The following HTT variants were observed in gnomAD, a reference collection of about 807,000 sequenced individuals.
The protein encoded by HTT is huntingtin, also known as huntington disease protein.
HTT carries 104 observed loss-of-function variants against 362.3 expected under a neutral mutation model. The ratio of observed to expected loss-of-function variants is 0.29; its 90% confidence interval spans 0.24 to 0.34. The LOEUF is 0.34. HTT is among the 10% of genes least tolerant of loss of function. HTT has a pLI of 1.00. For missense variants in HTT, 3,301 were observed against 3,928.6 expected, an observed-to-expected ratio of 0.84 and a Z score of 4.27; for synonymous variants, 1,577 against 1,548.7, an observed-to-expected ratio of 1.02 and a Z score of -0.43.
intron 28 of HTT, among the ~76,000 whole-genome samples, chr4:3,157,930 A>G (rs1411214594): frequency 6.6e-6 from 1 of 151,868 alleles, no homozygotes; most frequent in African/African-American, 2.4e-5. Context: ...TAGTTTCAGT[A>G]GTTTCATTTA....
At chr4:3,120,766 C>T (rs1456415269) in intron 8 of HTT, among the ~76,000 whole-genome samples, 2 of 152,150 alleles carry the variant, frequency 1.3e-5, no homozygotes, top group African/African-American at 2.4e-5. Context: ...GTCTCTGGTG[C>T]CAGAAAGGTT....
intron 60 of HTT, among the ~76,000 whole-genome samples, chr4:3,231,340 T>A (rs1209504475): frequency 6.6e-6 from 1 of 152,062 alleles, no homozygotes; most frequent in Non-Finnish European, 1.5e-5. Flanking sequence ...GTGAATGATT[T>A]TTTTTTTTGC....
Position 3,157,087 on chromosome 4 carries a change from A to C in HTT, c.3641A>C (p.Asp1214Ala). 1 of 1,607,532 alleles carries C rather than the reference A, an allele frequency of 6.2e-7. No individual in the cohort carries two copies. The highest frequency in any genetic ancestry group is 8.5e-7 in the Non-Finnish European group (1 of 1,178,198). The change falls in exon 28 of 67, where the codon GAT (aspartate) becomes GCT (alanine). Residue 1214 changes from aspartate to alanine, a missense_variant. By Grantham distance (126) the Asp-to-Ala change is moderately radical. Around this residue, in one of 4 missense-constraint regions of HTT, gnomAD observed 2,316 missense variants for 2,658.5 expected, o/e 0.87. Coordinates refer to ENST00000355072, the MANE Select transcript of HTT (RefSeq NM_001388492.1). ...SEASAASRQSDTSGPVTTSKS... is the reference protein window; with the variant it reads ...SEASAASRQSATSGPVTTSKS... ...ATTTTTAAAGCTTCTAGACAATCTG[A>C]TACCTCAGGTCCTGTTACAACAAGT...
chr4:3,123,384 A>G (rs1715378656), intron 10 of HTT: 1 of 155,224 alleles, frequency 6.4e-6, no homozygotes, highest in Non-Finnish European at 1.4e-5. Flanking sequence ...TAGTTTGCCA[A>G]TACCTGCCTT....
At chr4:3,156,411 C>T (rs1717148058) in intron 27 of HTT, among the ~76,000 whole-genome samples, 2 of 152,204 alleles carry the variant, frequency 1.3e-5, no homozygotes, top group Non-Finnish European at 2.9e-5. Context: ...TGAGCCACTG[C>T]ACCCGGCCTC....
intron 37 of HTT, among the ~76,000 whole-genome samples, chr4:3,182,713 A>G (rs1718583400): frequency 6.6e-6 from 1 of 152,212 alleles, no homozygotes; most frequent in African/African-American, 2.4e-5. Flanking sequence ...GTGATCAGGC[A>G]GCACACAGCT....
intron 53 of HTT, 81 bp from the exon 54 acceptor site, chr4:3,222,306 G>C: frequency 1.7e-6 from 2 of 1,183,016 alleles, no homozygotes; most frequent in African/African-American, 1.5e-5. Context: ...CAGGGGCCGT[G>C]CTGTGTCGGC....
chr4:3,119,963 C>T (rs1715216903), intron 8 of HTT, among the ~76,000 whole-genome samples: 1 of 152,160 alleles, frequency 6.6e-6, no homozygotes, highest in Non-Finnish European at 1.5e-5. Flanking sequence ...AGCATGAAAG[C>T]AGCCACAGGC....
chr4:3,123,852 G>C (rs1214293153), intron 10 of HTT, among the ~76,000 whole-genome samples: 1 of 152,126 alleles, frequency 6.6e-6, no homozygotes, highest in Non-Finnish European at 1.5e-5. Context: ...ATTATCTTTT[G>C]CAATGCCAGT....
chr4:3,151,064 A>C (rs891234548), intron 26 of HTT, among the ~76,000 whole-genome samples: 10 of 152,004 alleles, frequency 6.6e-5, no homozygotes, highest in Non-Finnish European at 1.3e-4. Context: ...CAAAAAAAAA[A>C]AAAACCAGGC....
intron 61 of HTT, among the ~76,000 whole-genome samples, chr4:3,233,956 CTCTGAGTCATAGGCT>C (rs1336898870): frequency 6.6e-6 from 1 of 152,238 alleles, no homozygotes; most frequent in Non-Finnish European, 1.5e-5. Context: ...GGCCCAGCCT[CTCTGAGTCATAGGCT>C]TCTGCACACG....
rs1173336828 is a variant in HTT at position 3,142,883 on chromosome 4, C to A, written c.3063C>A (p.Leu1021=). The change falls in exon 23 of 67, where the codon CTC becomes CTA. Residue 1021 remains leucine, a synonymous_variant. Transcript: ENST00000355072. The stretch of plus-strand genomic sequence containing the variant: ...TAATCACATCAACCACCAGAGCACT[C>A]ACAGTAAGTCTCTTTCTTGATCGGT... ...HELITSTTRA[L]TFGCCEALCL... 6.2e-7 allele frequency: 1 copy of A among 1,612,180 alleles called. No individual in the cohort carries two copies. Among genetic ancestry groups the A allele is most frequent in the Non-Finnish European group, 8.5e-7 (1 of 1,178,720 alleles).
rs1460142523 is a variant in HTT at position 3,189,192 on chromosome 4, C to G, written c.5368+99C>G. 5.7e-6 allele frequency: 7 copies of G among 1,225,072 alleles called. No homozygotes were observed. The East Asian group carries it at 1.4e-4, about 25-fold the overall frequency. 75.9% of individuals were successfully genotyped at this position (1,225,072 alleles called of 1,614,324 possible). A position where few individuals can be genotyped will look rare whatever the true frequency, so the allele number is the denominator to read the frequency against. On this transcript the variant is annotated intron_variant, in intron 40 of 66. Coordinates refer to ENST00000355072, the MANE Select transcript of HTT (RefSeq NM_001388492.1). ...GCTGTGCTGCCCGGTAGAAACTCTG[C>G]CTTGCCCAGTGTGCCAGTTGAAAAT...
intron 52 of HTT, among the ~76,000 whole-genome samples, chr4:3,219,845 C>T (rs1489911492): frequency 6.6e-6 from 1 of 152,210 alleles, no homozygotes; most frequent in African/African-American, 2.4e-5. Context: ...TGAACGCCTG[C>T]CTTTATTCTA....
At chr4:3,132,745 T>A in intron 17 of HTT, 25 bp downstream of exon 17, 1 of 1,613,852 alleles carries the variant, frequency 6.2e-7, no homozygotes, top group East Asian at 2.2e-5. Context: ...TTCAGCTGTG[T>A]TTTTTCTAGT....
chr4:3,121,071 T>C (rs996271986), intron 8 of HTT, among the ~76,000 whole-genome samples, 157 bp from the exon 9 acceptor site: 1 of 152,210 alleles, frequency 6.6e-6, no homozygotes, highest in African/African-American at 2.4e-5. Flanking sequence ...ACATGGAAGC[T>C]AATGATCACA....
chr4:3,104,014 A>G, intron 4 of HTT, 131 bp downstream of exon 4: 1 of 590,146 alleles, frequency 1.7e-6, no homozygotes, highest in Non-Finnish European at 3.0e-6. Context: ...TATACAATAC[A>G]TAATAATCAC....
chr4:3,213,941 T>C lies in HTT; in HGVS notation c.6775-17T>C. On this transcript the variant is annotated splice_polypyrimidine_tract_variant and intron_variant, in intron 49 of 66. Transcript: ENST00000355072. ...GGTACACGAGTGGGCATTCTGTGAC[T>C]CGGTACTTCCCTTTAGGCCCTGTCC... 1 of 1,510,946 alleles carries C rather than the reference T, an allele frequency of 6.6e-7. No homozygotes were observed. Among genetic ancestry groups the C allele is most frequent in the South Asian group, 1.3e-5 (1 of 77,918 alleles). 93.6% of individuals were successfully genotyped at this position (1,510,946 alleles called of 1,614,324 possible).
At chr4:3,082,098 C>G (rs1173495726) in intron 1 of HTT, among the ~76,000 whole-genome samples, 2 of 151,332 alleles carry the variant, frequency 1.3e-5, no homozygotes, top group Non-Finnish European at 2.9e-5. Context: ...GTTTGCTTGA[C>G]TGAGATCACA....
Sources: gnomAD v4.1 joint callset for allele counts (sites outside exome capture counted in the v4.1 genomes callset) on GRCh38, gnomAD v4.1.1 for gene constraint, gnomAD v4.1.1 regional missense constraint, MANE v1.5 for transcripts, NCBI Gene and HGNC (gene_info 2026-07-23, HGNC 2026-07-21) for gene names.